The following TSPAN17 variants were observed in gnomAD, a reference collection of about 807,000 sequenced individuals.
TSPAN17 encodes the protein tetraspanin-17.
In TSPAN17, 33 loss-of-function variants were observed where a neutral mutation model predicts 40.5. The observed-to-expected ratio is 0.81, with a 90% CI of 0.62 to 1.09. TSPAN17 has a LOEUF of 1.09. Ranked by LOEUF, TSPAN17 falls within the 50% of genes least tolerant of loss-of-function variation. The pLI is 0.00. For missense variants in TSPAN17, 365 were observed against 416.8 expected, an observed-to-expected ratio of 0.88 and a Z score of 1.08; for synonymous variants, 166 against 169.4, an observed-to-expected ratio of 0.98 and a Z score of 0.15.
In TSPAN17 at chr5:176,651,694, G is replaced by A. The variant is rs1258043475; in HGVS notation, c.138+28G>A. Reference sequence around the variant, plus strand: ...AAGGCAGCGGGCGGGCGTGGAGCTGGTATGGGACGAGGTGGTGGGAAGGTC... The same window carrying A: ...AAGGCAGCGGGCGGGCGTGGAGCTGATATGGGACGAGGTGGTGGGAAGGTC... On this transcript the variant is annotated intron_variant, in intron 2 of 8. Coordinates refer to ENST00000508164, the MANE Select transcript of TSPAN17 (RefSeq NM_130465.5). The surrounding 1 kb of genome is among the most constrained non-coding windows in gnomAD (Gnocchi z 4.5). The A allele has an allele frequency of 6.2e-7, 1 of 1,613,954 alleles. No homozygotes were observed. Among genetic ancestry groups the A allele is most frequent in the African/African-American group, 1.3e-5 (1 of 74,920 alleles).
Position 176,657,589 on chromosome 5 carries a change from G to A in TSPAN17, c.881G>A (p.Gly294Glu). The A allele has an allele frequency of 6.2e-7, 1 of 1,613,732 alleles. No homozygotes were observed. Among genetic ancestry groups the A allele is most frequent in the South Asian group, 1.1e-5 (1 of 91,084 alleles). ...ATTTCCGAGGTCCTGTCCACGGCGG[G>A]GCCTCAGCAGAACTCTCTGACTGGG... ...PTISEVLSTA[G>E]PQQNSLTGAP... Residue 294 changes from glycine to glutamate, a missense_variant, in exon 9 of 9, where the codon GGG becomes GAG. Physicochemically the swap from Gly to Glu is moderately conservative, Grantham distance 98. Coordinates refer to ENST00000508164, the MANE Select transcript of TSPAN17 (RefSeq NM_130465.5).
Position 176,654,809 on chromosome 5 carries a change from A to G in TSPAN17, c.457-86A>G. On this transcript the variant is annotated intron_variant, in intron 4 of 8. Transcript: ENST00000508164. This position sits in a 1 kb window ranked among gnomAD's most constrained non-coding sequence, Gnocchi z 4.3. ...CCAGCCCTGTCCCAGACAGCCCTGT[A>G]TTCCTGCAGCCTGGGCTTGTTCCCA... is the stretch of plus-strand genomic sequence containing the variant. 6.5e-7 allele frequency: 1 copy of G among 1,528,876 alleles called. No homozygotes were observed. The highest frequency in any genetic ancestry group is 8.9e-7 in the Non-Finnish European group (1 of 1,127,596). The allele number at this position is 1,528,876 out of a possible 1,614,324, so 94.7% of individuals were successfully genotyped here.
Position 176,649,599 on chromosome 5 carries a change from G to T in TSPAN17, c.87+1897G>T, listed in dbSNP as rs549978212. Among the ~76,000 whole-genome samples the T allele has an allele frequency of 1.9e-3, 288 of 151,956 alleles. 2 individuals are homozygous for T. Among genetic ancestry groups the T allele is most frequent in the African/African-American group, 6.8e-3 (283 of 41,460 alleles). On this transcript the variant is annotated intron_variant, in intron 1 of 8. Transcript: ENST00000508164. ...TGTGCCACCACGCCTGGCTAATTTT[G>T]TATTTTTACTAGAGATGGGGTTTCT...
At position 176,651,894 on chromosome 5, in the gene TSPAN17, C is replaced by A. The variant is rs1438698937; in HGVS notation, c.279C>A (p.Leu93=). ...IGALRENTFL[L]KFFSVFLGLI... ...CCCTCCGGGAGAACACCTTCCTGCTCAAGTTTGTGAGTGCTGCCCTCAAGA... is the reference window on the plus strand; with the variant it reads ...CCCTCCGGGAGAACACCTTCCTGCTAAAGTTTGTGAGTGCTGCCCTCAAGA... Residue 93 remains leucine, a synonymous_variant, in exon 3 of 9, where the codon CTC becomes CTA. Transcript: ENST00000508164. The surrounding 1 kb of genome is among the most constrained non-coding windows in gnomAD (Gnocchi z 4.5). The A allele has an allele frequency of 6.2e-7, 1 of 1,613,934 alleles. No homozygotes were observed. Among genetic ancestry groups the A allele is most frequent in the Admixed American group, 1.7e-5 (1 of 60,020 alleles).
chr5:176,652,039 C>A, intron 3 of TSPAN17, 139 bp downstream of exon 3: 1 of 1,250,384 alleles, frequency 8.0e-7, no homozygotes, highest in Non-Finnish European at 1.1e-6. Context: ...TCTATATTTA[C>A]TAGGATCCTT....
intron 4 of TSPAN17, 28 bp downstream of exon 4, chr5:176,652,941 C>A (rs1761027488): frequency 1.2e-6 from 2 of 1,608,500 alleles, no homozygotes; most frequent in South Asian, 2.2e-5. Context: ...CCTGGGACAC[C>A]TGTAGGAGGC....
intron 1 of TSPAN17, among the ~76,000 whole-genome samples, chr5:176,649,723 G>A (rs1165502740): frequency 6.6e-6 from 1 of 152,168 alleles, no homozygotes; most frequent in African/African-American, 2.4e-5. Context: ...CACCACGCCC[G>A]GCCATCCTGC....
In TSPAN17 at chr5:176,657,086, G is replaced by A. The variant is rs182817482; in HGVS notation, c.809+130G>A. 2.0e-3 allele frequency: 2,006 copies of A among 1,019,054 alleles called. 6 individuals carry two copies. Among genetic ancestry groups the A allele is most frequent in the Non-Finnish European group, 2.7e-3 (1,908 of 714,374 alleles). 63.1% of individuals were successfully genotyped at this position (1,019,054 alleles called of 1,614,324 possible). A position where few individuals can be genotyped will look rare whatever the true frequency, so the allele number is the denominator to read the frequency against. On this transcript the variant is annotated intron_variant, in intron 8 of 8. Coordinates refer to ENST00000508164, the MANE Select transcript of TSPAN17 (RefSeq NM_130465.5). ...TGTTCCTGCTGGGACTGAGCCTTGA[G>A]GGGTTCGCCTGAACCGCTGTGCTGT...
At chr5:176,649,435 T>TC (rs1456984973) in intron 1 of TSPAN17, among the ~76,000 whole-genome samples, 2 of 151,412 alleles carry the variant, frequency 1.3e-5, no homozygotes, top group African/African-American at 4.8e-5. Flanking sequence ...CTTTTTTCTT[T>TC]TTTTTTTTTG....
chr5:176,652,237 G>A (rs1760996753), intron 3 of TSPAN17, among the ~76,000 whole-genome samples: 1 of 152,214 alleles, frequency 6.6e-6, no homozygotes, highest in Non-Finnish European at 1.5e-5. Context: ...CCAGGTGGCA[G>A]GAGGCTCAGG....
In TSPAN17 at chr5:176,651,873, C is replaced by T. The variant is rs764947054; in HGVS notation, c.258C>T (p.Leu86=). Residue 86 remains leucine, a synonymous_variant, in exon 3 of 9, where the codon CTC becomes CTT. Coordinates refer to ENST00000508164, the MANE Select transcript of TSPAN17 (RefSeq NM_130465.5). This position sits in a 1 kb window ranked among gnomAD's most constrained non-coding sequence, Gnocchi z 4.5. ...GCTTTGCTGGCTGCATTGGGGCCCT[C>T]CGGGAGAACACCTTCCTGCTCAAGT... ...VLGFAGCIGA[L]RENTFLLKFF... 1 of 1,614,096 alleles carries T rather than the reference C, an allele frequency of 6.2e-7. No individual in the cohort carries two copies. Among genetic ancestry groups the T allele is most frequent in the Non-Finnish European group, 8.5e-7 (1 of 1,180,012 alleles).
At position 176,647,599 on chromosome 5, in the gene TSPAN17, G is replaced by GC; in HGVS notation, c.-16dup. On this transcript the variant is annotated 5_prime_UTR_variant, in exon 1 of 9. Transcript: ENST00000508164. Reference sequence around the variant, plus strand: ...GCTCCCGGCTCCGGTTTCCGGGCCGGCGGGTGGCCGCTCACCATGCCCGGC... The same window carrying GC: ...GCTCCCGGCTCCGGTTTCCGGGCCGGCCGGGTGGCCGCTCACCATGCCCGGC... 6.4e-7 allele frequency: 1 copy of GC among 1,555,428 alleles called. No homozygotes were observed. Among genetic ancestry groups the GC allele is most frequent in the Non-Finnish European group, 8.7e-7 (1 of 1,153,768 alleles).
chr5:176,647,725 G>T, intron 1 of TSPAN17, 23 bp downstream of exon 1: 1 of 1,564,758 alleles, frequency 6.4e-7, no homozygotes, highest in Non-Finnish European at 8.7e-7. Context: ...TCTGCGCCTT[G>T]CCCTGTGCTG....
chr5:176,650,603 A>G lies in TSPAN17; in HGVS notation c.88-1013A>G, dbSNP rs1760930385. Among the ~76,000 whole-genome samples, 1 of 152,200 alleles carries G rather than the reference A, an allele frequency of 6.6e-6. No individual in the cohort carries two copies. The highest frequency in any genetic ancestry group is 1.5e-5 in the Non-Finnish European group (1 of 68,028). ...GAGAAGTGATGTTTGGTTTCACATC[A>G]GCAGACCCAGCAGGCAGGAGGGAAG... On this transcript the variant is annotated intron_variant, in intron 1 of 8. Coordinates refer to ENST00000508164, the MANE Select transcript of TSPAN17 (RefSeq NM_130465.5). This position sits in a 1 kb window ranked among gnomAD's most constrained non-coding sequence, Gnocchi z 4.0.
chr5:176,654,754 G>C lies in TSPAN17; in HGVS notation c.457-141G>C. The stretch of plus-strand genomic sequence containing the variant: ...TGGAGGTTGGGCCCAGGCCTGTGGG[G>C]GTGGGGAGGTGGCCACCCACTTGGC... On this transcript the variant is annotated intron_variant, in intron 4 of 8. Transcript: ENST00000508164. The surrounding 1 kb of genome is among the most constrained non-coding windows in gnomAD (Gnocchi z 4.3). The C allele has an allele frequency of 9.5e-7, 1 of 1,054,828 alleles. No homozygotes were observed. Among genetic ancestry groups the C allele is most frequent in the Non-Finnish European group, 1.4e-6 (1 of 736,518 alleles). The allele number at this position is 1,054,828 out of a possible 1,614,324, so 65.3% of individuals were successfully genotyped here.
Position 176,657,528 on chromosome 5 carries a change from A to G in TSPAN17, c.820A>G (p.Asn274Asp). The change falls in exon 9 of 9, where the codon AAT becomes GAT. Residue 274 changes from asparagine to aspartate, a missense_variant. Asn to Asp is a conservative substitution (Grantham distance 23). Transcript: ENST00000508164. ...KAVKANWSKWNDDFENHWLTP... is the reference protein window; with the variant it reads ...KAVKANWSKWDDDFENHWLTP... ...TTGCTTGCCTCTCAGGAGCAAATGG[A>G]ATGATGACTTTGAAAACCACTGGCT... 1 of 1,591,126 alleles carries G rather than the reference A, an allele frequency of 6.3e-7. No homozygotes were observed. Among genetic ancestry groups the G allele is most frequent in the Non-Finnish European group, 8.6e-7 (1 of 1,167,070 alleles).
intron 1 of TSPAN17, among the ~76,000 whole-genome samples, chr5:176,649,250 C>T (rs1298785745): frequency 6.6e-6 from 1 of 151,914 alleles, no homozygotes; most frequent in African/African-American, 2.4e-5. Context: ...CTGGGAAAGT[C>T]AAGAGGCTGA....
intron 3 of TSPAN17, 106 bp from the exon 4 acceptor site, chr5:176,652,637 C>A: frequency 8.9e-7 from 1 of 1,120,552 alleles, no homozygotes; most frequent in Non-Finnish European, 1.3e-6. Flanking sequence ...GCCTCTGGGT[C>A]TTGGTGGAGG....
chr5:176,648,645 C>T (rs1191183625), intron 1 of TSPAN17, among the ~76,000 whole-genome samples: 1 of 152,190 alleles, frequency 6.6e-6, no homozygotes, highest in Non-Finnish European at 1.5e-5. Context: ...AGGGTGTGGG[C>T]AGTGTGTGGG....
Sources: allele counts gnomAD v4.1 joint callset (sites outside exome capture counted in the v4.1 genomes callset), GRCh38; gene constraint gnomAD v4.1.1; non-coding constraint Gnocchi (gnomAD v3.1); transcripts MANE v1.5; gene names NCBI Gene and HGNC (gene_info 2026-07-23, HGNC 2026-07-21).